Variants in ADCK1 observed in about 807,000 individuals in gnomAD.
ADCK1 encodes aarF domain-containing protein kinase 1.
A neutral mutation model predicts 52.3 loss-of-function variants in ADCK1; 41 were observed. The ratio of observed to expected loss-of-function variants is 0.78; its 90% CI spans 0.61 to 1.02. The LOEUF (loss-of-function observed/expected upper bound fraction) is 1.02, where lower values mean the gene tolerates loss of function less well. ADCK1 is among the 50% of genes least tolerant of loss of function. The pLI, the probability that ADCK1 is intolerant of heterozygous loss-of-function variation, is 0.00. For synonymous variants in ADCK1, 250 were observed against 274.6 expected (o/e 0.91, Z 0.89); for missense variants, 658 against 679.5 (o/e 0.97, Z 0.35).
At chr14:77,813,174 G>A (rs1200179850) in intron 1 of ADCK1, among the ~76,000 whole-genome samples, 1 of 151,286 alleles carries the variant, frequency 6.6e-6, no homozygotes, top group Admixed American at 6.6e-5. Context: ...GGCTAATTTT[G>A]TATTTTTACT....
chr14:77,882,956 AC>A (rs11303286), intron 4 of ADCK1, among the ~76,000 whole-genome samples: 42,778 of 98,672 alleles, frequency 0.43, 6,326 homozygotes, highest in Middle Eastern at 0.54. Context: ...TTCTTACACC[AC>A]CCCCCCCCCC....
chr14:77,828,401 G>A (rs1413213637), intron 3 of ADCK1, among the ~76,000 whole-genome samples: 1 of 152,188 alleles, frequency 6.6e-6, no homozygotes, highest in Non-Finnish European at 1.5e-5. Context: ...CCTGAGCATA[G>A]GGTTAGCCTT....
In ADCK1 at chr14:77,828,818, C is replaced by T. The variant is rs908669737; in HGVS notation, c.219+6300C>T. On this transcript the variant is annotated intron_variant, in intron 3 of 10. Transcript: ENST00000238561. ...TTGGGATTACAGGCGTGAGCCACTG[C>T]GCCCAGCCATTTAATTATTTTTATC... Among the ~76,000 whole-genome samples, 7 of 151,856 alleles carry T rather than the reference C, an allele frequency of 4.6e-5. 1 individual carries two copies. The highest frequency in any genetic ancestry group is 8.8e-5 in the Non-Finnish European group (6 of 67,832).
chr14:77,802,888 A>G (rs1379304889), intron 1 of ADCK1, among the ~76,000 whole-genome samples: 9 of 152,032 alleles, frequency 5.9e-5, no homozygotes, highest in Non-Finnish European at 4.4e-5. Context: ...CGGGAGGCGG[A>G]GCTTGCAGTG....
intron 3 of ADCK1, among the ~76,000 whole-genome samples, chr14:77,830,603 T>A (rs2081826753): frequency 6.8e-6 from 1 of 147,378 alleles, no homozygotes. Flanking sequence ...AGTTATTGAA[T>A]TTTTTTTTTT....
chr14:77,921,259 G>A (rs1380721673), intron 7 of ADCK1, among the ~76,000 whole-genome samples: 10 of 141,364 alleles, frequency 7.1e-5, no homozygotes, highest in Non-Finnish European at 1.1e-4. Flanking sequence ...CCTGGGAGGC[G>A]GAGCTTGCAG....
At chr14:77,841,938 T>C (rs1475705874) in intron 3 of ADCK1, among the ~76,000 whole-genome samples, 12 of 151,504 alleles carry the variant, frequency 7.9e-5, no homozygotes, top group African/African-American at 2.9e-4. Context: ...GGAAGGAGTG[T>C]TACTTGAGGC....
intron 5 of ADCK1, among the ~76,000 whole-genome samples, chr14:77,893,737 CTT>C (rs1555356623): frequency 1.6e-4 from 8 of 50,354 alleles, no homozygotes; most frequent in East Asian, 5.0e-4. Context: ...TCCTTCCTTC[CTT>C]TTTTTTTTTT....
At chr14:77,826,219 T>C (rs2081701952) in intron 3 of ADCK1, among the ~76,000 whole-genome samples, 2 of 152,192 alleles carry the variant, frequency 1.3e-5, no homozygotes, top group South Asian at 4.1e-4. Context: ...ACTAAGAGCA[T>C]GAGTAAATAC....
intron 3 of ADCK1, among the ~76,000 whole-genome samples, chr14:77,853,522 G>A (rs1329790967): frequency 6.6e-6 from 1 of 151,934 alleles, no homozygotes; most frequent in African/African-American, 2.4e-5. Context: ...TGCTTTTTTT[G>A]GATCTTGCTT....
intron 9 of ADCK1, among the ~76,000 whole-genome samples, chr14:77,926,709 G>A (rs188244015): frequency 6.6e-6 from 1 of 152,320 alleles, no homozygotes; most frequent in East Asian, 1.9e-4. Flanking sequence ...CAGCTTTTTT[G>A]TGGTCATTAT....
chr14:77,816,994 C>T (rs557732597), intron 1 of ADCK1, among the ~76,000 whole-genome samples: 35 of 151,530 alleles, frequency 2.3e-4, no homozygotes, highest in African/African-American at 8.2e-4. Flanking sequence ...GTAATCCCAG[C>T]ACTTTGGGAG....
chr14:77,846,681 G>A (rs1048374457), intron 3 of ADCK1, among the ~76,000 whole-genome samples: 3 of 152,194 alleles, frequency 2.0e-5, no homozygotes, highest in African/African-American at 7.2e-5. Context: ...AGTGGGGGCT[G>A]GTGGGAAGGA....
chr14:77,818,318 G>T (rs2081507054), intron 1 of ADCK1, among the ~76,000 whole-genome samples: 1 of 152,024 alleles, frequency 6.6e-6, no homozygotes, highest in Non-Finnish European at 1.5e-5. Context: ...GTCTGGCTCT[G>T]TCACCCAGGC....
chr14:77,854,926 T>C (rs557508709), intron 3 of ADCK1, among the ~76,000 whole-genome samples: 1 of 152,332 alleles, frequency 6.6e-6, no homozygotes, highest in Non-Finnish European at 1.5e-5. Context: ...TTTATTAGGC[T>C]CTTGAACTCT....
intron 7 of ADCK1, among the ~76,000 whole-genome samples, chr14:77,921,396 C>T (rs918563968): frequency 1.4e-5 from 2 of 142,866 alleles, no homozygotes; most frequent in Non-Finnish European, 3.0e-5. Context: ...TGGTGTGCGT[C>T]TTATAGTGTG....
chr14:77,847,203 G>T (rs560472592), intron 3 of ADCK1, among the ~76,000 whole-genome samples: 1 of 152,268 alleles, frequency 6.6e-6, no homozygotes, highest in East Asian at 1.9e-4. Flanking sequence ...GGAGGGTAGA[G>T]AGTGAGGTGG....
chr14:77,925,730 G>A, intron 8 of ADCK1, 34 bp from the exon 9 acceptor site: 1 of 1,609,400 alleles, frequency 6.2e-7, no homozygotes. Flanking sequence ...GGGGAGACGA[G>A]GCTTAGGTCC....
chr14:77,888,526 T>C (rs752206363), intron 5 of ADCK1, among the ~76,000 whole-genome samples: 1 of 151,966 alleles, frequency 6.6e-6, no homozygotes, highest in African/African-American at 2.4e-5. Flanking sequence ...GGAGAATGGA[T>C]TGGAAGGCAG....
Sources: gnomAD v4.1 joint callset for allele counts (sites outside exome capture counted in the v4.1 genomes callset) on GRCh38, gnomAD v4.1.1 for gene constraint, MANE v1.5 for transcripts, NCBI Gene and HGNC (gene_info 2026-07-23, HGNC 2026-07-21) for gene names.